STARD9: variants seen among roughly 807,000 people sequenced by gnomAD.
The protein encoded by STARD9 is StAR related lipid transfer domain containing 9, also known as stAR-related lipid transfer protein 9.
STARD9 carries 346 observed loss-of-function variants against 399.8 expected under a neutral mutation model. That is an observed-to-expected ratio of 0.87 (90% confidence interval 0.79 to 0.95). The LOEUF (loss-of-function observed/expected upper bound fraction) is 0.95. Ranked by LOEUF, STARD9 falls within the 40% of genes least tolerant of loss-of-function variation. The pLI is 0.00. For missense variants in STARD9, 5,832 were observed against 5,667.5 expected, an observed-to-expected ratio of 1.03 and a Z score of -0.93; for synonymous variants, 2,203 against 2,143.5, an observed-to-expected ratio of 1.03 and a Z score of -0.77.
At chr15:42,717,539 C>T (rs185424711) in intron 28 of STARD9, among the ~76,000 whole-genome samples, 192 bp from the exon 29 acceptor site, 39 of 151,992 alleles carry the variant, frequency 2.6e-4, no homozygotes, top group Admixed American at 2.0e-3. Context: ...GTGGGAGGAT[C>T]GCTTAAGCCC....
chr15:42,604,764 C>A (rs2058696817), intron 3 of STARD9, among the ~76,000 whole-genome samples: 1 of 150,388 alleles, frequency 6.6e-6, no homozygotes, highest in South Asian at 2.1e-4. Flanking sequence ...CCAACTTAGC[C>A]TCCTGAGTAA....
chr15:42,621,535 A>G (rs988416293), intron 3 of STARD9, among the ~76,000 whole-genome samples: 16 of 152,170 alleles, frequency 1.1e-4, no homozygotes, highest in African/African-American at 2.2e-4. Flanking sequence ...ACTTTTGGAC[A>G]GAAAAAGGAA....
intron 9 of STARD9, among the ~76,000 whole-genome samples, chr15:42,660,465 G>A (rs570448011): frequency 2.0e-4 from 30 of 151,838 alleles, no homozygotes; most frequent in African/African-American, 6.3e-4. Context: ...TTGGGAGGCC[G>A]AGGCAGGAGA....
chr15:42,664,214 A>G (rs1482004195), intron 13 of STARD9, among the ~76,000 whole-genome samples: 1 of 151,834 alleles, frequency 6.6e-6, no homozygotes, highest in Non-Finnish European at 1.5e-5. Context: ...TTTTTATTTT[A>G]TTATTTTATT....
intron 26 of STARD9, among the ~76,000 whole-genome samples, chr15:42,705,321 C>G (rs1025237086): frequency 6.6e-6 from 1 of 152,152 alleles, no homozygotes; most frequent in African/African-American, 2.4e-5. Flanking sequence ...TTTCCTAGCT[C>G]TAGCGAAGAT....
At position 42,674,475 on chromosome 15, in the gene STARD9, C is replaced by A. The variant is rs1346555152; in HGVS notation, c.1533C>A (p.Asp511Glu). 8 of 1,536,970 alleles carry A rather than the reference C, an allele frequency of 5.2e-6. No homozygotes were observed. In the Admixed American group the frequency reaches 1.4e-4, roughly 26 times the overall value. Residue 511 changes from aspartate to glutamate, a missense_variant, in exon 17 of 33, where the codon GAC (aspartate) becomes GAA (glutamate). Coordinates refer to ENST00000290607, the MANE Select transcript of STARD9 (RefSeq NM_020759.3). ...CAAAAATAGGAAGGATTGACTCAGA[C>A]CAGGAACAGGACATTGGTAAGTGGC... ...GTTKIGRIDS[D>E]QEQDIVLQGQ...
chr15:42,580,513 C>T (rs931122528), intron 1 of STARD9, among the ~76,000 whole-genome samples: 4 of 152,014 alleles, frequency 2.6e-5, no homozygotes, highest in African/African-American at 9.7e-5. Context: ...ATGAGGGTGG[C>T]TCTCAATAAA....
At chr15:42,681,828 C>A (rs997816799) in intron 21 of STARD9, among the ~76,000 whole-genome samples, 8 of 152,068 alleles carry the variant, frequency 5.3e-5, no homozygotes, top group Admixed American at 4.6e-4. Flanking sequence ...CTCAGAATTA[C>A]GGACCTCCTA....
chr15:42,684,953 G>A lies in STARD9; in HGVS notation c.3375G>A (p.Lys1125=). Residue 1125 remains lysine, a synonymous_variant, in exon 23 of 33, where the codon AAG becomes AAA. Transcript: ENST00000290607. ...CCAAAGCCCTGATAGAGCCACTGAA[G>A]CCAGAGGAGAGGAAATGGGATTTCC... ...VYAKALIEPL[K]PEERKWDFPE... The A allele has an allele frequency of 2.0e-6, 3 of 1,537,040 alleles. No individual in the cohort carries two copies. In the Admixed American group the frequency reaches 5.9e-5, roughly 30 times the overall value.
At chr15:42,600,604 C>T (rs1439871746) in intron 3 of STARD9, among the ~76,000 whole-genome samples, 1 of 151,156 alleles carries the variant, frequency 6.6e-6, no homozygotes. Flanking sequence ...TGGCTCACTG[C>T]AACCTCTGCC....
At position 42,612,269 on chromosome 15, in the gene STARD9, C is replaced by T. The variant is rs117527257; in HGVS notation, c.235-22587C>T. On this transcript the variant is annotated intron_variant, in intron 3 of 32. Transcript: ENST00000290607. ...GTGGCATTACAGGCCGGAGCCACCT[C>T]GCCTGGCCCCTTATTAGCATTCTTA... Among the ~76,000 whole-genome samples the T allele has an allele frequency of 9.8e-4, 150 of 152,312 alleles. 3 individuals are homozygous for T. In the East Asian group the frequency reaches 0.024, roughly 24 times the overall value.
Position 42,663,284 on chromosome 15 carries a change from A to G in STARD9, c.872A>G (p.Gln291Arg). Residue 291 changes from glutamine to arginine, a missense_variant, in exon 12 of 33, where the codon CAG (glutamine) becomes CGG (arginine). Transcript: ENST00000290607. Reference sequence around the variant, plus strand: ...TTTTCTTTTTTCATCTTTTAAGCCCAGAACTCCCAAGTTTTCAGCAGCTGC... The same window carrying G: ...TTTTCTTTTTTCATCTTTTAAGCCCGGAACTCCCAAGTTTTCAGCAGCTGC... ...TLGIVISTLA[Q>R]NSQVFSSCQS... 1 of 1,530,822 alleles carries G rather than the reference A, an allele frequency of 6.5e-7. No individual in the cohort carries two copies. Among genetic ancestry groups the G allele is most frequent in the Non-Finnish European group, 8.8e-7 (1 of 1,141,872 alleles). 94.8% of individuals were successfully genotyped at this position (1,530,822 alleles called of 1,614,324 possible).
chr15:42,690,571 G>A lies in STARD9; in HGVS notation c.8993G>A (p.Cys2998Tyr), dbSNP rs1459846782. 1 of 1,537,224 alleles carries A rather than the reference G, an allele frequency of 6.5e-7. No individual in the cohort carries two copies. The highest frequency in any genetic ancestry group is 8.7e-7 in the Non-Finnish European group (1 of 1,146,908). ...GCCCCACATACTATCCACCCACCCTGTGTAGTACCTTCCAGGGCCTATGAA... is the reference window on the plus strand; with the variant it reads ...GCCCCACATACTATCCACCCACCCTATGTAGTACCTTCCAGGGCCTATGAA... ...KAAPHTIHPP[C>Y]VVPSRAYEMD... The change falls in exon 23 of 33, where the codon TGT becomes TAT. Residue 2998 changes from cysteine (C) to tyrosine (Y), a missense_variant. Physicochemically the swap from Cys to Tyr is radical, Grantham distance 194. Transcript: ENST00000290607.
chr15:42,623,879 T>C (rs1288573614), intron 3 of STARD9, among the ~76,000 whole-genome samples: 1 of 152,178 alleles, frequency 6.6e-6, no homozygotes, highest in African/African-American at 2.4e-5. Context: ...CCTGGAAAAA[T>C]CTGCAATTTA....
chr15:42,597,332 G>A (rs2141726356), intron 3 of STARD9, among the ~76,000 whole-genome samples: 1 of 152,114 alleles, frequency 6.6e-6, no homozygotes, highest in South Asian at 2.1e-4. Flanking sequence ...GGGATTATAG[G>A]CATAAGCCAC....
At position 42,688,442 on chromosome 15, in the gene STARD9, A is replaced by G; in HGVS notation, c.6864A>G (p.Glu2288=). ...MPMQRGGSLQ[E]ENKVTQKFPS... Reference sequence around the variant, plus strand: ...TGCAAAGGGGAGGCAGCCTTCAGGAAGAAAATAAAGTGACTCAGAAATTTC... The same window carrying G: ...TGCAAAGGGGAGGCAGCCTTCAGGAGGAAAATAAAGTGACTCAGAAATTTC... The change falls in exon 23 of 33, where the codon GAA becomes GAG. Residue 2288 remains glutamate (E), a synonymous_variant. Coordinates refer to ENST00000290607, the MANE Select transcript of STARD9 (RefSeq NM_020759.3). 1 of 1,537,798 alleles carries G rather than the reference A, an allele frequency of 6.5e-7. No homozygotes were observed. The highest frequency in any genetic ancestry group is 8.7e-7 in the Non-Finnish European group (1 of 1,147,050).
At chr15:42,600,011 G>A (rs1216771675) in intron 3 of STARD9, among the ~76,000 whole-genome samples, 5 of 152,176 alleles carry the variant, frequency 3.3e-5, no homozygotes, top group African/African-American at 1.2e-4. Flanking sequence ...ACAGCTTAAA[G>A]ACTCTAAGGC....
intron 26 of STARD9, among the ~76,000 whole-genome samples, chr15:42,712,650 C>T (rs891726528): frequency 6.6e-6 from 1 of 152,138 alleles, no homozygotes; most frequent in Admixed American, 6.6e-5. Context: ...TATTTCTGGA[C>T]TCCTAATTCT....
intron 9 of STARD9, 108 bp downstream of exon 9, chr15:42,652,700 G>C: frequency 6.8e-6 from 7 of 1,035,828 alleles, no homozygotes; most frequent in Non-Finnish European, 1.0e-5. Context: ...TTTTGAGACA[G>C]GGTCTCAGTC....
Sources: gnomAD v4.1 joint callset for allele counts (sites outside exome capture counted in the v4.1 genomes callset) on GRCh38, gnomAD v4.1.1 for gene constraint, MANE v1.5 for transcripts, NCBI Gene and HGNC (gene_info 2026-07-23, HGNC 2026-07-21) for gene names.